NGEF: variants seen among roughly 807,000 people sequenced by gnomAD.
NGEF encodes ephexin-1.
Under a neutral mutation model 80.9 loss-of-function variants are expected in NGEF, and 31 were observed. The ratio of observed to expected loss-of-function variants is 0.38; its 90% confidence interval spans 0.29 to 0.52. The LOEUF (loss-of-function observed/expected upper bound fraction) is 0.52. NGEF is among the 20% of genes least tolerant of loss of function. NGEF has a pLI of 0.84. For synonymous variants in NGEF, 371 were observed against 370.2 expected, an observed-to-expected ratio of 1.00 and a Z score of -0.03; for missense variants, 709 against 926.2, an observed-to-expected ratio of 0.77 and a Z score of 3.04.
intron 8 of NGEF, among the ~76,000 whole-genome samples, chr2:232,889,354 A>C (rs926754233): frequency 6.6e-6 from 1 of 152,142 alleles, no homozygotes; most frequent in African/African-American, 2.4e-5. Flanking sequence ...GTGTGTCCCC[A>C]GCATGCTGCC....
chr2:232,974,422 C>T (rs1694248854), intron 2 of NGEF, among the ~76,000 whole-genome samples: 1 of 152,200 alleles, frequency 6.6e-6, no homozygotes, highest in Non-Finnish European at 1.5e-5. Flanking sequence ...TGGGTCAACC[C>T]TTTCTCCTAA....
chr2:232,880,955 T>C (rs1559187900), intron 14 of NGEF, among the ~76,000 whole-genome samples, 191 bp downstream of exon 14: 1 of 152,066 alleles, frequency 6.6e-6, no homozygotes, highest in Non-Finnish European at 1.5e-5. Context: ...TGGAAACAAT[T>C]CCTCCTTTAC....
chr2:232,883,608 G>A (rs963006434), intron 11 of NGEF, 142 bp from the exon 12 acceptor site: 2 of 905,202 alleles, frequency 2.2e-6, no homozygotes, highest in South Asian at 1.9e-5. Flanking sequence ...CCACCTGAAC[G>A]CCTGTCTCCC....
At chr2:232,996,917 C>T (rs1436877285) in intron 1 of NGEF, among the ~76,000 whole-genome samples, 3 of 152,328 alleles carry the variant, frequency 2.0e-5, no homozygotes, top group Non-Finnish European at 2.9e-5. Flanking sequence ...AGAAGGAGAA[C>T]TTTATTGCCA....
intron 3 of NGEF, among the ~76,000 whole-genome samples, chr2:232,965,603 G>C (rs746212152): frequency 3.3e-5 from 5 of 152,148 alleles, no homozygotes; most frequent in Non-Finnish European, 7.3e-5. Flanking sequence ...GGTCAATGTA[G>C]CATGCCCAGG....
intron 3 of NGEF, among the ~76,000 whole-genome samples, chr2:232,929,204 A>G (rs1489278137): frequency 6.6e-6 from 1 of 152,160 alleles, no homozygotes; most frequent in Non-Finnish European, 1.5e-5. Context: ...GCACGCTCCA[A>G]CCCACCCGGC....
chr2:232,934,571 C>T (rs769086424), intron 3 of NGEF, among the ~76,000 whole-genome samples: 2 of 152,074 alleles, frequency 1.3e-5, no homozygotes, highest in Admixed American at 6.6e-5. Flanking sequence ...TTTTCCATTG[C>T]GTTTAGTGCT....
intron 5 of NGEF, among the ~76,000 whole-genome samples, chr2:232,903,915 C>T (rs1290920781): frequency 2.6e-5 from 4 of 152,138 alleles, no homozygotes; most frequent in Admixed American, 6.5e-5. Flanking sequence ...AAAGTAAACA[C>T]GCTTAAGTTG....
At chr2:232,962,833 C>T (rs1693981798) in intron 3 of NGEF, among the ~76,000 whole-genome samples, 1 of 151,622 alleles carries the variant, frequency 6.6e-6, no homozygotes, top group Non-Finnish European at 1.5e-5. Context: ...TTTAAGTTGC[C>T]AATATTCAGG....
chr2:232,910,868 G>C (rs1057345488), intron 5 of NGEF, among the ~76,000 whole-genome samples: 1 of 152,066 alleles, frequency 6.6e-6, no homozygotes, highest in Non-Finnish European at 1.5e-5. Flanking sequence ...GTTGAGTTTT[G>C]AGTTCTATTG....
chr2:233,006,600 T>G (rs1695088554), intron 1 of NGEF, among the ~76,000 whole-genome samples: 1 of 152,230 alleles, frequency 6.6e-6, no homozygotes, highest in Non-Finnish European at 1.5e-5. Flanking sequence ...ATAAATTCAC[T>G]AATAAATGCT....
intron 3 of NGEF, among the ~76,000 whole-genome samples, chr2:232,957,986 A>T (rs1165107131): frequency 6.6e-6 from 1 of 152,268 alleles, no homozygotes; most frequent in Non-Finnish European, 1.5e-5. Context: ...GTTCTGAGAC[A>T]GTGTAAAAAT....
At chr2:232,940,340 C>A (rs112897222) in intron 3 of NGEF, among the ~76,000 whole-genome samples, 1 of 152,188 alleles carries the variant, frequency 6.6e-6, no homozygotes, top group Non-Finnish European at 1.5e-5. Flanking sequence ...AGCCAGTGGT[C>A]GCCAAGGCGT....
chr2:232,953,188 G>A (rs530880766), intron 3 of NGEF, among the ~76,000 whole-genome samples: 158 of 150,646 alleles, frequency 1.0e-3, no homozygotes, highest in African/African-American at 3.7e-3. Flanking sequence ...TGTAATCCTA[G>A]CTAGTGGGGA....
chr2:232,989,874 G>T (rs1694618247), intron 1 of NGEF, among the ~76,000 whole-genome samples: 1 of 152,168 alleles, frequency 6.6e-6, no homozygotes. Context: ...TAGCACATTT[G>T]TAGGTCAGTT....
At chr2:232,918,634 T>TG (rs68050574) in intron 5 of NGEF, among the ~76,000 whole-genome samples, 16,355 of 104,536 alleles carry the variant, frequency 0.16, 1,303 homozygotes, top group South Asian at 0.31. Context: ...CTAAGTTTTT[T>TG]TTTTTTTTTT....
intron 1 of NGEF, among the ~76,000 whole-genome samples, chr2:233,011,899 T>C (rs1367937669): frequency 6.6e-6 from 1 of 152,064 alleles, no homozygotes; most frequent in Admixed American, 6.5e-5. Flanking sequence ...CCCATGACAA[T>C]TTGGGCTCCA....
Position 232,986,671 on chromosome 2 carries a change from C to A in NGEF, c.-74-11707G>T, listed in dbSNP as rs145669355. On this transcript the variant is annotated intron_variant, in intron 1 of 14. Transcript: ENST00000264051. ...ATCTAAAAAGTCAAACTCTTAGAAG[C>A]AGAGAGTAAAGCAATGTTTGCCAAG... Among the ~76,000 whole-genome samples the A allele has an allele frequency of 2.3e-3, 350 of 152,252 alleles. 4 individuals are homozygous for A. Among genetic ancestry groups the A allele is most frequent in the East Asian group, 0.021 (109 of 5,176 alleles).
intron 3 of NGEF, among the ~76,000 whole-genome samples, chr2:232,965,793 G>A (rs1043265019): frequency 3.3e-5 from 5 of 152,024 alleles, no homozygotes; most frequent in Admixed American, 1.3e-4. Flanking sequence ...TGGAGCTGGC[G>A]GTTCCTGCTT....
Sources: allele counts gnomAD v4.1 joint callset (sites outside exome capture counted in the v4.1 genomes callset), GRCh38; gene constraint gnomAD v4.1.1; transcripts MANE v1.5; gene names NCBI Gene and HGNC (gene_info 2026-07-23, HGNC 2026-07-21).